Variants in U2SURP observed in about 807,000 individuals in gnomAD.
The protein encoded by U2SURP is U2 snRNP associated SURP domain containing.
Under a neutral mutation model 144.9 loss-of-function variants are expected in U2SURP, and 9 were observed. That is an observed-to-expected ratio of 0.06 (90% CI 0.04 to 0.11). The LOEUF (loss-of-function observed/expected upper bound fraction) is 0.11. U2SURP is among the 10% of genes least tolerant of loss of function. U2SURP has a pLI of 1.00. For synonymous variants in U2SURP, 408 were observed against 396.8 expected (o/e 1.03, Z -0.33); for missense variants, 724 against 1,226.7 (o/e 0.59, Z 6.12).
chr3:143,028,398 A>G lies in U2SURP; in HGVS notation c.1438A>G (p.Ile480Val), dbSNP rs1324383896. Residue 480 changes from isoleucine (I) to valine (V), a missense_variant, in exon 15 of 28, where the codon ATT becomes GTT. Physicochemically the swap from Ile to Val is conservative, Grantham distance 29. Around this residue, in one of 13 missense-constraint regions of U2SURP, gnomAD observed 64 missense variants for 164.1 expected, o/e 0.39. Transcript: ENST00000473835. ...HVYYRWKLYSILQGDSPTKWR... is the reference protein window; with the variant it reads ...HVYYRWKLYSVLQGDSPTKWR... The stretch of plus-strand genomic sequence containing the variant: ...TTACTATAGGTGGAAGCTTTATTCT[A>G]TTCTGCAGGCAAGTAGAATCAATTA... The G allele has an allele frequency of 6.2e-7, 1 of 1,612,944 alleles. No homozygotes were observed. The highest frequency in any genetic ancestry group is 8.5e-7 in the Non-Finnish European group (1 of 1,179,498).
chr3:143,004,213 A>G (rs1340421949), intron 1 of U2SURP, among the ~76,000 whole-genome samples: 4 of 152,120 alleles, frequency 2.6e-5, no homozygotes, highest in Non-Finnish European at 5.9e-5. Context: ...CATTCCCGTT[A>G]ATATGGATAG....
chr3:143,008,588 TG>T (rs147176805), intron 1 of U2SURP, among the ~76,000 whole-genome samples: 3,899 of 152,354 alleles, frequency 0.026, 85 homozygotes, highest in Non-Finnish European at 0.032. Context: ...ATGAATCTTT[TG>T]AAAAGGTGGC....
At chr3:143,022,023 ACTGTTACCTGTTTT>A (rs1367967816) in intron 10 of U2SURP, among the ~76,000 whole-genome samples, 1 of 152,206 alleles carries the variant, frequency 6.6e-6, no homozygotes, top group East Asian at 1.9e-4. Context: ...TTGCATATAT[ACTGTTACCTGTTTT>A]CTCTGCATTT....
Position 143,016,318 on chromosome 3 carries a change from A to G in U2SURP, c.383A>G (p.Asp128Gly), listed in dbSNP as rs1578122129. 1 of 1,613,400 alleles carries G rather than the reference A, an allele frequency of 6.2e-7. No individual in the cohort carries two copies. Reference sequence around the variant, plus strand: ...TTTCTTGCTGCTTTTGAAGGAAGTGATGGTAATAAAGTGAAAACATTTGTG... The same window carrying G: ...TTTCTTGCTGCTTTTGAAGGAAGTGGTGGTAATAAAGTGAAAACATTTGTG... ...EEFLAAFEGS[D>G]GNKVKTFVRG... Residue 128 changes from aspartate (D) to glycine (G), a missense_variant, in exon 5 of 28, where the codon GAT (aspartate) becomes GGT (glycine). Around this residue, in one of 13 missense-constraint regions of U2SURP, gnomAD observed 115 missense variants for 258.1 expected, o/e 0.45. Coordinates refer to ENST00000473835, the MANE Select transcript of U2SURP (RefSeq NM_001080415.2).
Position 143,017,380 on chromosome 3 carries a change from C to T in U2SURP, c.570+405C>T, listed in dbSNP as rs551762362. On this transcript the variant is annotated intron_variant, in intron 6 of 27. Transcript: ENST00000473835. ...TTTGGAACATTTTGGGAATTACTGT[C>T]AGAATTAGTGACACTTAAAATATTC... The T allele has an allele frequency of 2.1e-3, 328 of 153,768 alleles. 3 individuals carry two copies. Among genetic ancestry groups the T allele is most frequent in the African/African-American group, 7.5e-3 (312 of 41,574 alleles). The allele number at this position is 153,768 out of a possible 1,614,324, so 9.5% of individuals were successfully genotyped here.
At position 143,046,937 on chromosome 3, in the gene U2SURP, C is replaced by T. The variant is rs1273640132; in HGVS notation, c.2544+3661C>T. 1.3e-4 allele frequency among the ~76,000 whole-genome samples: 11 copies of T among 86,042 alleles called. 1 individual carries two copies. The South Asian group carries it at 2.2e-3, about 17-fold the overall frequency. 56.4% of individuals were successfully genotyped at this position (86,042 alleles called of 152,430 possible). On this transcript the variant is annotated intron_variant, in intron 24 of 27. Coordinates refer to ENST00000473835, the MANE Select transcript of U2SURP (RefSeq NM_001080415.2). ...TCACCTCCCGGACGGGGCGGCTGGCCGGGCAGGGGGCTGACCTCCCCCACC... is the reference window on the plus strand; with the variant it reads ...TCACCTCCCGGACGGGGCGGCTGGCTGGGCAGGGGGCTGACCTCCCCCACC...
chr3:143,020,830 T>G (rs999136848), intron 8 of U2SURP, 137 bp downstream of exon 8: 2 of 628,298 alleles, frequency 3.2e-6, no homozygotes, highest in Non-Finnish European at 5.5e-6. Flanking sequence ...TCCTTACACA[T>G]TCATAGCTGT....
chr3:143,002,029 A>C (rs1014074448), intron 1 of U2SURP, among the ~76,000 whole-genome samples: 12 of 152,198 alleles, frequency 7.9e-5, no homozygotes, highest in African/African-American at 2.7e-4. Context: ...CCTGGGAGAG[A>C]GGCGGGAATC....
Position 143,038,902 on chromosome 3 carries a change from A to T in U2SURP, c.2326A>T (p.Thr776Ser), listed in dbSNP as rs745380408. Reference sequence around the variant, plus strand: ...CTTTTCCTTTCATTCAGCTGTTACAACTTCTAAATGGGAATTATTTGACCA... The same window carrying T: ...CTTTTCCTTTCATTCAGCTGTTACATCTTCTAAATGGGAATTATTTGACCA... ...ESELEAQAVT[T>S]SKWELFDQHE... Residue 776 changes from threonine (T) to serine (S), a missense_variant, in exon 23 of 28, where the codon ACT becomes TCT. Physicochemically the swap from Thr to Ser is moderately conservative, Grantham distance 58. Coordinates refer to ENST00000473835, the MANE Select transcript of U2SURP (RefSeq NM_001080415.2). 3.2e-6 allele frequency: 5 copies of T among 1,543,066 alleles called. No individual in the cohort carries two copies. In the South Asian group the frequency reaches 5.0e-5, roughly 16 times the overall value.
chr3:143,055,027 A>ATCAGAGCGT lies in U2SURP; in HGVS notation c.2865_2873dup (p.Glu958_Ser960dup). ...AATCCCCATCACCAAAATCGGAGCG[A>ATCAGAGCGT]TCAGAGCGTTCAGAAAGATCTCATA... On this transcript the variant is annotated inframe_insertion, in exon 27 of 28. Coordinates refer to ENST00000473835, the MANE Select transcript of U2SURP (RefSeq NM_001080415.2). 6.2e-7 allele frequency: 1 copy of ATCAGAGCGT among 1,608,736 alleles called. No individual in the cohort carries two copies. The highest frequency in any genetic ancestry group is 8.5e-7 in the Non-Finnish European group (1 of 1,177,562).
intron 2 of U2SURP, among the ~76,000 whole-genome samples, chr3:143,011,546 A>G (rs1443174532): frequency 6.6e-6 from 1 of 152,110 alleles, no homozygotes; most frequent in Non-Finnish European, 1.5e-5. Context: ...GTACAAAAGC[A>G]TTTGGTGGGT....
chr3:143,040,527 G>A (rs1188078774), intron 23 of U2SURP, among the ~76,000 whole-genome samples: 1 of 151,710 alleles, frequency 6.6e-6, no homozygotes, highest in East Asian at 1.9e-4. Flanking sequence ...ATATTTTGTG[G>A]CAATATTGTG....
intron 1 of U2SURP, among the ~76,000 whole-genome samples, chr3:143,009,008 C>G (rs533409622): frequency 2.0e-5 from 3 of 152,062 alleles, no homozygotes; most frequent in African/African-American, 4.8e-5. Context: ...CCAAAGTGCT[C>G]GGATTACAGG....
chr3:143,008,805 G>A (rs181467259), intron 1 of U2SURP, among the ~76,000 whole-genome samples: 1 of 152,276 alleles, frequency 6.6e-6, no homozygotes, highest in Admixed American at 6.5e-5. Context: ...AGTCTCTGTC[G>A]CCTAGGCGGT....
Position 143,058,628 on chromosome 3 carries a change from C to A in U2SURP, c.*2178C>A, listed in dbSNP as rs1040094242. 2.0e-5 allele frequency: 3 copies of A among 151,714 alleles called. No homozygotes were observed. Among genetic ancestry groups the A allele is most frequent in the Non-Finnish European group, 3.0e-5 (2 of 67,750 alleles). 9.4% of individuals were successfully genotyped at this position (151,714 alleles called of 1,614,324 possible). A position where few individuals can be genotyped will look rare whatever the true frequency, so the allele number is the denominator to read the frequency against. On this transcript the variant is annotated 3_prime_UTR_variant, in exon 28 of 28. Coordinates refer to ENST00000473835, the MANE Select transcript of U2SURP (RefSeq NM_001080415.2). ...AGATAGGTTATTTCCAGTTTTACTT[C>A]ATGACAAATTACCTAGAGTAAACCT...
chr3:143,048,864 C>A (rs550939269), intron 24 of U2SURP, among the ~76,000 whole-genome samples: 1 of 151,150 alleles, frequency 6.6e-6, no homozygotes, highest in African/African-American at 2.4e-5. Flanking sequence ...CGTGAGACAC[C>A]GTCTCAAAAA....
Position 143,048,351 on chromosome 3 carries a change from A to G in U2SURP, c.2545-2588A>G, listed in dbSNP as rs369796491. Reference sequence around the variant, plus strand: ...GAATCCCTTCTCTCCCCTAAGTAACATTTGGGTCTGTTGTTTGACTCTTTC... The same window carrying G: ...GAATCCCTTCTCTCCCCTAAGTAACGTTTGGGTCTGTTGTTTGACTCTTTC... On this transcript the variant is annotated intron_variant, in intron 24 of 27. Coordinates refer to ENST00000473835, the MANE Select transcript of U2SURP (RefSeq NM_001080415.2). 5.3e-5 allele frequency among the ~76,000 whole-genome samples: 8 copies of G among 152,254 alleles called. No individual in the cohort carries two copies. The East Asian group carries it at 1.5e-3, about 29-fold the overall frequency.
At chr3:143,052,997 G>C (rs1253256177) in intron 25 of U2SURP, among the ~76,000 whole-genome samples, 6 of 129,012 alleles carry the variant, frequency 4.7e-5, no homozygotes, top group Non-Finnish European at 9.5e-5. Flanking sequence ...TAGTCAGTTT[G>C]TATTTAGGAT....
chr3:143,017,015 A>C, intron 6 of U2SURP, 40 bp downstream of exon 6: 2 of 1,530,858 alleles, frequency 1.3e-6, no homozygotes, highest in Non-Finnish European at 1.7e-6. Flanking sequence ...ATGTTCAGAG[A>C]TGACACTGCC....
Sources: gnomAD v4.1 joint callset for allele counts (sites outside exome capture counted in the v4.1 genomes callset) on GRCh38, gnomAD v4.1.1 for gene constraint, gnomAD v4.1.1 regional missense constraint, MANE v1.5 for transcripts, NCBI Gene and HGNC (gene_info 2026-07-23, HGNC 2026-07-21) for gene names.